KANSL1L: variants seen among roughly 807,000 people sequenced by gnomAD.
KANSL1L encodes KAT8 regulatory NSL complex subunit 1 like.
In KANSL1L, 25 loss-of-function variants were observed where a neutral mutation model predicts 108.6. The ratio of observed to expected loss-of-function variants is 0.23; its 90% confidence interval spans 0.17 to 0.32. The LOEUF (loss-of-function observed/expected upper bound fraction) is 0.32. Ranked by LOEUF, KANSL1L falls within the 10% of genes least tolerant of loss-of-function variation. The pLI is 1.00. For missense variants in KANSL1L, 1,137 were observed against 1,125.7 expected (o/e 1.01, Z -0.14); for synonymous variants, 405 against 395.1 (o/e 1.03, Z -0.30).
intron 1 of KANSL1L, among the ~76,000 whole-genome samples, chr2:210,160,035 C>G (rs1027281048): frequency 3.3e-5 from 5 of 151,274 alleles, no homozygotes; most frequent in African/African-American, 9.7e-5. Context: ...GACTCCGTCT[C>G]AAAAAAAAGA....
chr2:210,066,565 T>G (rs1400165875), intron 6 of KANSL1L, among the ~76,000 whole-genome samples: 2 of 152,198 alleles, frequency 1.3e-5, no homozygotes, highest in Non-Finnish European at 2.9e-5. Flanking sequence ...CTCAAAAACC[T>G]ACACGGTGTC....
At position 210,170,230 on chromosome 2, in the gene KANSL1L, A is replaced by G. The variant is rs541661456; in HGVS notation, c.-30+919T>C. The G allele has an allele frequency of 8.3e-4, 272 of 328,238 alleles. 4 individuals carry two copies. Among genetic ancestry groups the G allele is most frequent in the African/African-American group, 5.9e-3 (263 of 44,780 alleles). 20.3% of individuals were successfully genotyped at this position (328,238 alleles called of 1,614,324 possible). A position where few individuals can be genotyped will look rare whatever the true frequency, so the allele number is the denominator to read the frequency against. On this transcript the variant is annotated intron_variant, in intron 1 of 14. Coordinates refer to ENST00000281772, the MANE Select transcript of KANSL1L (RefSeq NM_152519.4). ...TTAAAATTATTACTGACCCAAACTC[A>G]GATGAAGTTAAGCAAACTGGCTAAA... is the stretch of plus-strand genomic sequence containing the variant.
At chr2:210,115,036 C>T (rs964358396) in intron 3 of KANSL1L, among the ~76,000 whole-genome samples, 35 of 151,514 alleles carry the variant, frequency 2.3e-4, no homozygotes, top group African/African-American at 7.0e-4. Context: ...AAATGAAAAA[C>T]AAAAAAGGTA....
intron 5 of KANSL1L, among the ~76,000 whole-genome samples, chr2:210,079,650 A>ATGTATGTGTG (rs1296415684): frequency 1.0e-3 from 20 of 19,526 alleles, no homozygotes; most frequent in African/African-American, 3.5e-3. Flanking sequence ...ATATATATAT[A>ATGTATGTGTG]TATATATATA....
At chr2:210,133,189 T>C (rs1417270107) in intron 2 of KANSL1L, among the ~76,000 whole-genome samples, 1 of 152,156 alleles carries the variant, frequency 6.6e-6, no homozygotes, top group Admixed American at 6.6e-5. Flanking sequence ...TATAAAATGA[T>C]GTACATGTGC....
chr2:210,078,294 C>T (rs978973298), intron 5 of KANSL1L, among the ~76,000 whole-genome samples: 1 of 152,090 alleles, frequency 6.6e-6, no homozygotes, highest in African/African-American at 2.4e-5. Flanking sequence ...TGTGGTCCTT[C>T]GTTGACTAGA....
intron 2 of KANSL1L, among the ~76,000 whole-genome samples, chr2:210,148,041 T>C (rs1050681979): frequency 6.6e-6 from 1 of 152,218 alleles, no homozygotes; most frequent in African/African-American, 2.4e-5. Flanking sequence ...CCTTAATCTG[T>C]TGAAAAGAAT....
intron 3 of KANSL1L, among the ~76,000 whole-genome samples, chr2:210,118,663 T>C (rs2094982098): frequency 6.6e-6 from 1 of 151,564 alleles, no homozygotes; most frequent in African/African-American, 2.4e-5. Context: ...CTTGGGTACA[T>C]GGCAAAACCC....
At position 210,022,708 on chromosome 2, in the gene KANSL1L, GTGTT is replaced by G. The variant is rs1476268423; in HGVS notation, c.*237_*240del. 4.3e-6 allele frequency: 2 copies of G among 463,798 alleles called. No homozygotes were observed. Among genetic ancestry groups the G allele is most frequent in the East Asian group, 8.0e-5 (2 of 25,062 alleles). The allele number at this position is 463,798 out of a possible 1,614,324, so 28.7% of individuals were successfully genotyped here. On this transcript the variant is annotated 3_prime_UTR_variant, in exon 15 of 15. Coordinates refer to ENST00000281772, the MANE Select transcript of KANSL1L (RefSeq NM_152519.4). Reference sequence around the variant, plus strand: ...TCAAGTTGCAGCAATTAATATCTTGGTGTTTGTAAGTAAGTTGCATGATAAACAC... The same window carrying G: ...TCAAGTTGCAGCAATTAATATCTTGGTGTAAGTAAGTTGCATGATAAACAC...
In KANSL1L at chr2:210,117,753, A is replaced by G. The variant is rs557973833; in HGVS notation, c.1230+11278T>C. Among the ~76,000 whole-genome samples, 5 of 152,316 alleles carry G rather than the reference A, an allele frequency of 3.3e-5. No homozygotes were observed. In the South Asian group the frequency reaches 1.0e-3, roughly 32 times the overall value. The stretch of plus-strand genomic sequence containing the variant: ...AGACATTACAATGGATACAACAGAA[A>G]TACAAAGGATTATAAGAGACTATTA... On this transcript the variant is annotated intron_variant, in intron 3 of 14. Transcript: ENST00000281772.
intron 3 of KANSL1L, among the ~76,000 whole-genome samples, chr2:210,118,250 C>T (rs142264482): frequency 0.054 from 8,045 of 150,196 alleles, 319 homozygotes; most frequent in Non-Finnish European, 0.08. Flanking sequence ...GGGTGGATCA[C>T]TTGAGGTCAG....
At position 210,044,024 on chromosome 2, in the gene KANSL1L, A is replaced by G. The variant is rs1192099022; in HGVS notation, c.1836T>C (p.Tyr612=). 1.2e-6 allele frequency: 2 copies of G among 1,609,372 alleles called. No individual in the cohort carries two copies. The highest frequency in any genetic ancestry group is 2.2e-5 in the East Asian group (1 of 44,600). ...ATAGGTAAGACTCCGAATTGTGTTC[A>G]TAGCTACTCCAAGTTGAAGCTGATT... ...CLQSASTWSS[Y]EHNSESYLLR... is the part of the protein sequence containing the mutation. Residue 612 remains tyrosine, a synonymous_variant, in exon 7 of 15, where the codon TAT becomes TAC. Transcript: ENST00000281772. This position sits in a 1 kb window ranked among gnomAD's most constrained non-coding sequence, Gnocchi z 4.2.
intron 5 of KANSL1L, among the ~76,000 whole-genome samples, chr2:210,090,465 C>A (rs1348060649): frequency 6.6e-6 from 1 of 152,102 alleles, no homozygotes; most frequent in South Asian, 2.1e-4. Flanking sequence ...TATTTAGGCA[C>A]CACAATAATT....
At chr2:210,137,869 A>T (rs1046704602) in intron 2 of KANSL1L, among the ~76,000 whole-genome samples, 3 of 152,250 alleles carry the variant, frequency 2.0e-5, no homozygotes, top group Non-Finnish European at 1.5e-5. Context: ...TGTCTCTACA[A>T]AAAACAGAAA....
chr2:210,146,390 C>G (rs918713050), intron 2 of KANSL1L, among the ~76,000 whole-genome samples: 1 of 152,176 alleles, frequency 6.6e-6, no homozygotes, highest in Non-Finnish European at 1.5e-5. Context: ...TATCACTCAG[C>G]TTAGCTGTGC....
At chr2:210,084,875 G>A (rs540706687) in intron 5 of KANSL1L, among the ~76,000 whole-genome samples, 27 of 152,226 alleles carry the variant, frequency 1.8e-4, no homozygotes, top group Non-Finnish European at 3.4e-4. Context: ...CTCCCAAAGT[G>A]CTGGGATTAC....
In KANSL1L at chr2:210,056,429, TATC is replaced by T. The variant is rs367865010; in HGVS notation, c.1756-12328_1756-12326del. Among the ~76,000 whole-genome samples, 58 of 152,346 alleles carry T rather than the reference TATC, an allele frequency of 3.8e-4. 1 individual carries two copies. The highest frequency in any genetic ancestry group is 5.3e-4 in the African/African-American group (22 of 41,584). On this transcript the variant is annotated intron_variant, in intron 6 of 14. Transcript: ENST00000281772. ...GATGTTGTGCTAATCACCGAATCAT[TATC>T]ATCATCAACGTCATTCACATTTGAT... is the stretch of plus-strand genomic sequence containing the variant.
chr2:210,170,420 T>G, intron 1 of KANSL1L: 1 of 982,126 alleles, frequency 1.0e-6, no homozygotes, highest in South Asian at 4.7e-5. Context: ...GTGCCTGCCC[T>G]CCCGACTGCA....
chr2:210,119,646 G>A (rs1182525530), intron 3 of KANSL1L, among the ~76,000 whole-genome samples: 2 of 151,984 alleles, frequency 1.3e-5, no homozygotes, highest in African/African-American at 4.8e-5. Context: ...CATCCTTCAT[G>A]ATAAAAACCT....
Sources: allele counts gnomAD v4.1 joint callset (sites outside exome capture counted in the v4.1 genomes callset), GRCh38; gene constraint gnomAD v4.1.1; non-coding constraint Gnocchi (gnomAD v3.1); transcripts MANE v1.5; gene names NCBI Gene and HGNC (gene_info 2026-07-23, HGNC 2026-07-21).